The following MUC3A variants were observed in gnomAD, a reference collection of about 807,000 sequenced individuals.
The protein encoded by MUC3A is mucin-3A.
A neutral mutation model predicts 109.0 loss-of-function variants in MUC3A; 109 were observed. The ratio of observed to expected loss-of-function variants is 1.00; its 90% confidence interval spans 0.86 to 1.17. MUC3A has a LOEUF of 1.17. Among genes scored for constraint, MUC3A ranks in the 50% most tolerant of loss-of-function variants. The pLI is 0.00. For missense variants in MUC3A, 3,537 were observed against 2,469.4 expected, an observed-to-expected ratio of 1.43 and a Z score of -9.16; for synonymous variants, 1,398 against 981.4, an observed-to-expected ratio of 1.42 and a Z score of -7.93.
At position 100,966,658 on chromosome 7, in the gene MUC3A, G is replaced by T; in HGVS notation, c.9792G>T (p.Trp3264Cys). The T allele has an allele frequency of 5.0e-6, 8 of 1,598,538 alleles. No homozygotes were observed. Among genetic ancestry groups the T allele is most frequent in the Non-Finnish European group, 4.2e-6 (5 of 1,179,826 alleles). ...WWGGQRRGRSWDQDRKWFETW... is the reference protein window; with the variant it reads ...WWGGQRRGRSCDQDRKWFETW... ...GCGCGGCGGCCCCACCTAGGTCCTGGGACCAGGACAGGAAATGGTTCGAGA... is the reference window on the plus strand; with the variant it reads ...GCGCGGCGGCCCCACCTAGGTCCTGTGACCAGGACAGGAAATGGTTCGAGA... Residue 3264 changes from tryptophan (W) to cysteine (C), a missense_variant, in exon 10 of 12, where the codon TGG (tryptophan) becomes TGT (cysteine). By Grantham distance (215) the Trp-to-Cys change is radical. Transcript: ENST00000379458.
intron 3 of MUC3A, among the ~76,000 whole-genome samples, chr7:100,961,786 G>A (rs200976241): frequency 0.021 from 3,148 of 148,222 alleles, no homozygotes; most frequent in South Asian, 0.13. Flanking sequence ...GCACACTAGC[G>A]TAGATGACAG....
At chr7:100,963,637 C>G (rs1563073786) in intron 4 of MUC3A, 51 bp from the exon 5 acceptor site, 4 of 1,598,060 alleles carry the variant, frequency 2.5e-6, no homozygotes. Flanking sequence ...CGTCTGGGTC[C>G]CCTCAGGTCT....
Position 100,956,458 on chromosome 7 carries a change from C to T in MUC3A, c.4679C>T (p.Thr1560Ile), listed in dbSNP as rs1646509562. 1.6e-6 allele frequency: 1 copy of T among 626,408 alleles called. No homozygotes were observed. The highest frequency in any genetic ancestry group is 2.4e-5 in the Admixed American group (1 of 41,662). 38.8% of individuals were successfully genotyped at this position (626,408 alleles called of 1,614,324 possible). ...PTTLGTMVTS[T>I]SMIPSTVSTG... ...ACCTTGGGTACCATGGTGACTTCTACATCCATGATCCCATCTACTGTGAGT... is the reference window on the plus strand; with the variant it reads ...ACCTTGGGTACCATGGTGACTTCTATATCCATGATCCCATCTACTGTGAGT... The change falls in exon 2 of 12, where the codon ACA (threonine) becomes ATA (isoleucine). Residue 1560 changes from threonine (T) to isoleucine (I), a missense_variant. Coordinates refer to ENST00000379458, the MANE Select transcript of MUC3A (RefSeq NM_005960.2).
Position 100,954,195 on chromosome 7 carries a change from T to G in MUC3A, c.2416T>G (p.Ser806Ala). ...VPTTLGTMVT[S>A]TSMISSTVST... ...CACTACGTTGGGTACCATGGTAACT[T>G]CTACATCCATGATCTCATCTACTGT... Residue 806 changes from serine to alanine, a missense_variant, in exon 2 of 12, where the codon TCT (serine) becomes GCT (alanine). Coordinates refer to ENST00000379458, the MANE Select transcript of MUC3A (RefSeq NM_005960.2). 1 of 530,516 alleles carries G rather than the reference T, an allele frequency of 1.9e-6. No homozygotes were observed. Among genetic ancestry groups the G allele is most frequent in the Non-Finnish European group, 3.3e-6 (1 of 302,554 alleles). 32.9% of individuals were successfully genotyped at this position (530,516 alleles called of 1,614,324 possible). A position where few individuals can be genotyped will look rare whatever the true frequency, so the allele number is the denominator to read the frequency against.
chr7:100,967,125 A>G lies in MUC3A; in HGVS notation c.9935A>G (p.His3312Arg). 6.3e-7 allele frequency: 1 copy of G among 1,598,554 alleles called. No homozygotes were observed. The highest frequency in any genetic ancestry group is 8.5e-7 in the Non-Finnish European group (1 of 1,179,826). Residue 3312 changes from histidine (H) to arginine (R), a missense_variant, in exon 12 of 12, where the codon CAC becomes CGC. His to Arg is a conservative substitution (Grantham distance 29). Coordinates refer to ENST00000379458, the MANE Select transcript of MUC3A (RefSeq NM_005960.2). ...CCCTCACTGTGACTCTGACAGGTGC[A>G]CATCAAGAGACCCGAGATGACCTCG... ...LENVDTTMKV[H>R]IKRPEMTSSS... is the part of the protein sequence containing the mutation.
chr7:100,954,143 A>T lies in MUC3A; in HGVS notation c.2364A>T (p.Thr788=), dbSNP rs889622382. 4.2e-4 allele frequency: 250 copies of T among 590,642 alleles called. No individual in the cohort carries two copies. In the East Asian group the frequency reaches 7.3e-3, roughly 17 times the overall value. The allele number at this position is 590,642 out of a possible 1,614,324, so 36.6% of individuals were successfully genotyped here. A position where few individuals can be genotyped will look rare whatever the true frequency, so the allele number is the denominator to read the frequency against. ...CAACCGTCTACTCCACAGCCAGCACATACACAACTGCCATCACCTCAGTTC... is the reference window on the plus strand; with the variant it reads ...CAACCGTCTACTCCACAGCCAGCACTTACACAACTGCCATCACCTCAGTTC... ...TSSTVYSTAS[T]YTTAITSVPT... is the part of the protein sequence containing the mutation. The change falls in exon 2 of 12, where the codon ACA becomes ACT. Residue 788 remains threonine (T), a synonymous_variant. Transcript: ENST00000379458.
rs780303854 is a variant in MUC3A at position 100,959,820 on chromosome 7, A to G, written c.8041A>G (p.Ile2681Val). 7.6e-6 allele frequency: 12 copies of G among 1,584,936 alleles called. No individual in the cohort carries two copies. Among genetic ancestry groups the G allele is most frequent in the African/African-American group, 1.3e-5 (1 of 74,952 alleles). Reference protein sequence around the residue: ...NAILTSFSTIIWSSTPTIIMS... With the variant: ...NAILTSFSTIVWSSTPTIIMS... ...AATCTTGACTTCTTTTAGTACCATCATCTGGTCCTCAACACCCACTATTAT... is the reference window on the plus strand; with the variant it reads ...AATCTTGACTTCTTTTAGTACCATCGTCTGGTCCTCAACACCCACTATTAT... The change falls in exon 2 of 12, where the codon ATC (isoleucine) becomes GTC (valine). Residue 2681 changes from isoleucine to valine, a missense_variant. Transcript: ENST00000379458.
intron 3 of MUC3A, 47 bp downstream of exon 3, chr7:100,960,984 C>G: frequency 6.3e-7 from 1 of 1,598,244 alleles, no homozygotes; most frequent in South Asian, 1.1e-5. Flanking sequence ...CACAGGGTGT[C>G]ACTGACTCTC....
Position 100,955,229 on chromosome 7 carries a change from T to C in MUC3A, c.3450T>C (p.Ser1150=). ...ITTTPNTTSL[S]TPSFTSSTIY... ...CCACCCCTAATACCACCTCCCTTAG[T>C]ACCCCCAGCTTCACTTCTTCAACCA... is the stretch of plus-strand genomic sequence containing the variant. Residue 1150 remains serine (S), a synonymous_variant, in exon 2 of 12, where the codon AGT becomes AGC. Coordinates refer to ENST00000379458, the MANE Select transcript of MUC3A (RefSeq NM_005960.2). 1 of 757,266 alleles carries C rather than the reference T, an allele frequency of 1.3e-6. No individual in the cohort carries two copies. The highest frequency in any genetic ancestry group is 2.4e-6 in the Non-Finnish European group (1 of 415,352). The allele number at this position is 757,266 out of a possible 1,614,324, so 46.9% of individuals were successfully genotyped here.
In MUC3A at chr7:100,952,903, CA is replaced by C; in HGVS notation, c.1126del (p.Thr376ProfsTer9). The C allele has an allele frequency of 6.9e-7, 1 of 1,456,064 alleles. No individual in the cohort carries two copies. The highest frequency in any genetic ancestry group is 2.1e-5 in the Admixed American group (1 of 47,670). 90.2% of individuals were successfully genotyped at this position (1,456,064 alleles called of 1,614,324 possible). ...TSLPPTSSSL[P>X]TTETATTPMT... ...CTCCCACCCACCTCTTCCTCTCTCC[CA>C]ACCACAGAAACAGCCACGACTCCTA... On this transcript the variant is annotated frameshift_variant, in exon 2 of 12. Transcript: ENST00000379458. LOFTEE classifies it high-confidence loss of function.
chr7:100,961,215 CAA>C (rs1792315286), intron 3 of MUC3A, among the ~76,000 whole-genome samples: 1 of 152,310 alleles, frequency 6.6e-6, no homozygotes, highest in South Asian at 2.1e-4. Flanking sequence ...CCAACAAACA[CAA>C]ATCTGGCTGC....
At position 100,955,279 on chromosome 7, in the gene MUC3A, C is replaced by T. The variant is rs2116171636; in HGVS notation, c.3500C>T (p.Thr1167Ile). 1 of 764,590 alleles carries T rather than the reference C, an allele frequency of 1.3e-6. No individual in the cohort carries two copies. The highest frequency in any genetic ancestry group is 1.3e-5 in the South Asian group (1 of 74,476). 47.4% of individuals were successfully genotyped at this position (764,590 alleles called of 1,614,324 possible). ...STIYSTVSTS[T>I]TAISSASPTS... ...ATCTACTCCACAGTCAGCACATCCA[C>T]AACTGCCATCTCCTCAGCTTCCCCT... The change falls in exon 2 of 12, where the codon ACA becomes ATA. Residue 1167 changes from threonine to isoleucine, a missense_variant. Thr to Ile is a moderately conservative substitution (Grantham distance 89). Transcript: ENST00000379458.
In MUC3A at chr7:100,952,219, C is replaced by T. The variant is rs1453794380; in HGVS notation, c.440C>T (p.Thr147Ile). Residue 147 changes from threonine (T) to isoleucine (I), a missense_variant, in exon 2 of 12, where the codon ACC becomes ATC. Physicochemically the swap from Thr to Ile is moderately conservative, Grantham distance 89. Coordinates refer to ENST00000379458, the MANE Select transcript of MUC3A (RefSeq NM_005960.2). ...TCCCACCCCACCTCCATCTGTGTGA[C>T]CACGACGCAGGTGGCCTTCACCAGC... Reference protein sequence around the residue: ...TISHPTSICVTTTQVAFTSSY... With the variant: ...TISHPTSICVITTQVAFTSSY... 1.4e-5 allele frequency: 23 copies of T among 1,598,556 alleles called. No homozygotes were observed. Among genetic ancestry groups the T allele is most frequent in the Non-Finnish European group, 1.9e-5 (23 of 1,179,802 alleles).
rs1303190244 is a variant in MUC3A, at chr7:100,954,103, C to G, written c.2324C>G (p.Thr775Ser). Residue 775 changes from threonine to serine, a missense_variant, in exon 2 of 12, where the codon ACC becomes AGC. Coordinates refer to ENST00000379458, the MANE Select transcript of MUC3A (RefSeq NM_005960.2). ...ACCAAGACCACCTCACATAGTACCA[C>G]CAGCTTCACTTCTTCAACCGTCTAC... ...TTTKTTSHST[T>S]SFTSSTVYST... 1 of 588,936 alleles carries G rather than the reference C, an allele frequency of 1.7e-6. No individual in the cohort carries two copies. Among genetic ancestry groups the G allele is most frequent in the Non-Finnish European group, 3.0e-6 (1 of 336,500 alleles). 36.5% of individuals were successfully genotyped at this position (588,936 alleles called of 1,614,324 possible).
At chr7:100,966,324 A>C (rs1584813779) in intron 8 of MUC3A, 62 bp from the exon 9 acceptor site, 6 of 1,228,452 alleles carry the variant, frequency 4.9e-6, no homozygotes, top group Admixed American at 9.4e-5. Context: ...CGCGGGGCCC[A>C]GGTGCACGGG....
intron 10 of MUC3A, 75 bp from the exon 11 acceptor site, chr7:100,966,824 G>A (rs1032801471): frequency 2.5e-6 from 4 of 1,598,302 alleles, no homozygotes; most frequent in Non-Finnish European, 3.4e-6. Flanking sequence ...TGCCTTCCTC[G>A]CATTTACTCC....
chr7:100,956,413 C>A lies in MUC3A; in HGVS notation c.4634C>A (p.Ala1545Asp). Residue 1545 changes from alanine to aspartate, a missense_variant, in exon 2 of 12, where the codon GCC (alanine) becomes GAC (aspartate). Ala to Asp is a moderately radical substitution (Grantham distance 126). Transcript: ENST00000379458. ...IYSTASTPTT[A>D]ITSVPTTLGT... ...TCCACAGCCAGCACACCCACCACTGCCATCACCTCAGTTCCCACTACCTTG... is the reference window on the plus strand; with the variant it reads ...TCCACAGCCAGCACACCCACCACTGACATCACCTCAGTTCCCACTACCTTG... 3.1e-6 allele frequency: 2 copies of A among 649,806 alleles called. No individual in the cohort carries two copies. The highest frequency in any genetic ancestry group is 3.7e-5 in the South Asian group (2 of 53,384). 40.3% of individuals were successfully genotyped at this position (649,806 alleles called of 1,614,324 possible).
chr7:100,958,187 C>A lies in MUC3A; in HGVS notation c.6408C>A (p.Asn2136Lys), dbSNP rs1584803244. Reference protein sequence around the residue: ...SFTSSITTTENATHSTPNFTS... With the variant: ...SFTSSITTTEKATHSTPNFTS... ...CTTCTTCGATCACCACCACTGAGAA[C>A]GCCACACACAGTACTCCCAACTTCA... is the stretch of plus-strand genomic sequence containing the variant. The change falls in exon 2 of 12, where the codon AAC becomes AAA. Residue 2136 changes from asparagine (N) to lysine (K), a missense_variant. Asn to Lys is a moderately conservative substitution (Grantham distance 94). Coordinates refer to ENST00000379458, the MANE Select transcript of MUC3A (RefSeq NM_005960.2). 1.6e-5 allele frequency: 10 copies of A among 611,106 alleles called. No individual in the cohort carries two copies. The highest frequency in any genetic ancestry group is 2.0e-5 in the Non-Finnish European group (8 of 400,798). The allele number at this position is 611,106 out of a possible 1,614,324, so 37.9% of individuals were successfully genotyped here.
chr7:100,967,224 G>C lies in MUC3A; in HGVS notation c.*62G>C, dbSNP rs1421141970. ...CCCCGGACACAAGGGTCTGCATTGC[G>C]TCCATTTCAAGAGGTGGCCCCAGGA... On this transcript the variant is annotated 3_prime_UTR_variant, in exon 12 of 12. Transcript: ENST00000379458. 2 of 1,593,928 alleles carry C rather than the reference G, an allele frequency of 1.3e-6. No homozygotes were observed. Among genetic ancestry groups the C allele is most frequent in the East Asian group, 2.2e-5 (1 of 44,720 alleles).
Sources: allele counts gnomAD v4.1 joint callset (sites outside exome capture counted in the v4.1 genomes callset), GRCh38; gene constraint gnomAD v4.1.1; transcripts MANE v1.5; gene names NCBI Gene and HGNC (gene_info 2026-07-23, HGNC 2026-07-21).